The following OR2L3 variants were observed in gnomAD, a reference collection of about 807,000 sequenced individuals.
OR2L3 encodes olfactory receptor 2L3.
For missense variants in OR2L3, 369 were observed against 376.6 expected (o/e 0.98, Z 0.17); for synonymous variants, 131 against 139.1 (o/e 0.94, Z 0.41).
chr1:248,050,073 C>T (rs1663210405), intron 1 of OR2L3, among the ~76,000 whole-genome samples: 1 of 152,062 alleles, frequency 6.6e-6, no homozygotes, highest in Non-Finnish European at 1.5e-5. Flanking sequence ...TGTGACGTTC[C>T]AGGTGCCAAT....
In OR2L3 at chr1:248,060,970, G is replaced by A. The variant is rs768111550; in HGVS notation, c.289G>A (p.Gly97Arg). The stretch of plus-strand genomic sequence containing the variant: ...CAAGTCTATCTCCTTCACTGGGTGT[G>A]GGATTCAGAGTTTCTTCTTCTCGGC... ...GNKSISFTGC[G>R]IQSFFFSALG... is the part of the protein sequence containing the mutation. The change falls in exon 2 of 2, where the codon GGG becomes AGG. Residue 97 changes from glycine to arginine, a missense_variant. Coordinates refer to ENST00000359959, the MANE Select transcript of OR2L3 (RefSeq NM_001004687.2). 24 of 1,613,866 alleles carry A rather than the reference G, an allele frequency of 1.5e-5. No homozygotes were observed. Among genetic ancestry groups the A allele is most frequent in the Non-Finnish European group, 2.0e-5 (24 of 1,179,934 alleles).
intron 1 of OR2L3, 55 bp from the exon 2 acceptor site, chr1:248,060,606 C>T: frequency 8.6e-7 from 1 of 1,168,362 alleles, no homozygotes; most frequent in Non-Finnish European, 1.2e-6. Context: ...CAAATGCATT[C>T]CCTGCAGATA....
chr1:248,059,639 A>G (rs1367703257), intron 1 of OR2L3, among the ~76,000 whole-genome samples: 1 of 152,224 alleles, frequency 6.6e-6, no homozygotes, highest in Non-Finnish European at 1.5e-5. Flanking sequence ...AAATAAATGA[A>G]CCACAAAATG....
chr1:248,057,453 G>T (rs557123678), intron 1 of OR2L3, among the ~76,000 whole-genome samples: 1 of 152,226 alleles, frequency 6.6e-6, no homozygotes, highest in South Asian at 2.1e-4. Flanking sequence ...AACTAGGATT[G>T]CTACCACTGC....
rs1321197693 is a variant in OR2L3, at chr1:248,063,178, T to C, written c.*1558T>C. ...TAGACATTGCATTGAATCTGTAGTT[T>C]GGTTATTTAAATAATATTAATTCTT... On this transcript the variant is annotated 3_prime_UTR_variant, in exon 2 of 2. Transcript: ENST00000359959. 1 of 152,252 alleles carries C rather than the reference T, an allele frequency of 6.6e-6. No homozygotes were observed. The highest frequency in any genetic ancestry group is 1.5e-5 in the Non-Finnish European group (1 of 68,050). The allele number at this position is 152,252 out of a possible 1,614,324, so 9.4% of individuals were successfully genotyped here.
intron 1 of OR2L3, among the ~76,000 whole-genome samples, chr1:248,053,863 T>TGTCAGATG (rs1345295039): frequency 1.8e-4 from 27 of 152,360 alleles, no homozygotes; most frequent in African/African-American, 5.5e-4. Flanking sequence ...ATTAGATCTT[T>TGTCAGATG]GTCAGATGGA....
At chr1:248,047,196 A>G (rs1663104976) in intron 1 of OR2L3, among the ~76,000 whole-genome samples, 1 of 152,148 alleles carries the variant, frequency 6.6e-6, no homozygotes, top group African/African-American at 2.4e-5. Flanking sequence ...CATTCATAAT[A>G]ATGATTGTAG....
intron 1 of OR2L3, among the ~76,000 whole-genome samples, chr1:248,057,823 T>A (rs1663481516): frequency 6.6e-6 from 1 of 152,192 alleles, no homozygotes; most frequent in Non-Finnish European, 1.5e-5. Context: ...TTACAACAGA[T>A]TCTGGTTGTT....
At position 248,060,667 on chromosome 1, in the gene OR2L3, GCACAC is replaced by G; in HGVS notation, c.-14_-10del. 6.3e-7 allele frequency: 1 copy of G among 1,595,212 alleles called. No individual in the cohort carries two copies. Among genetic ancestry groups the G allele is most frequent in the Non-Finnish European group, 8.6e-7 (1 of 1,166,662 alleles). ...CCCTTGTGTCTCCCTTCAGGAAAGAGCACACGAATGCCCCATGGAAAATTACAATC... is the reference window on the plus strand; with the variant it reads ...CCCTTGTGTCTCCCTTCAGGAAAGAGGAATGCCCCATGGAAAATTACAATC... On this transcript the variant is annotated 5_prime_UTR_variant, in exon 2 of 2. Coordinates refer to ENST00000359959, the MANE Select transcript of OR2L3 (RefSeq NM_001004687.2).
intron 1 of OR2L3, among the ~76,000 whole-genome samples, chr1:248,056,814 A>AATTT (rs937780788): frequency 6.6e-6 from 1 of 151,534 alleles, no homozygotes; most frequent in African/African-American, 2.4e-5. Flanking sequence ...TACTCGGCTA[A>AATTT]ATTTTTTTGG....
intron 1 of OR2L3, among the ~76,000 whole-genome samples, chr1:248,048,295 A>T (rs745318984): frequency 3.2e-4 from 48 of 152,204 alleles, no homozygotes; most frequent in Admixed American, 5.9e-4. Flanking sequence ...GTGGTTCTCC[A>T]ACTTCATACC....
rs1663670732 is a variant in OR2L3, at chr1:248,062,298, T to C, written c.*678T>C. 1 of 152,234 alleles carries C rather than the reference T, an allele frequency of 6.6e-6. No individual in the cohort carries two copies. The highest frequency in any genetic ancestry group is 2.4e-5 in the African/African-American group (1 of 41,458). The allele number at this position is 152,234 out of a possible 1,614,324, so 9.4% of individuals were successfully genotyped here. On this transcript the variant is annotated 3_prime_UTR_variant, in exon 2 of 2. Coordinates refer to ENST00000359959, the MANE Select transcript of OR2L3 (RefSeq NM_001004687.2). ...AACATGCCAGCAGTAATAAAAATGA[T>C]TACATTTAGGTCTTTAACCTGTTTT...
intron 1 of OR2L3, among the ~76,000 whole-genome samples, chr1:248,048,877 A>G (rs934923039): frequency 2.0e-5 from 3 of 150,700 alleles, no homozygotes; most frequent in Non-Finnish European, 2.9e-5. Flanking sequence ...AGCAAAGCCA[A>G]CTTGTGCCCC....
intron 1 of OR2L3, among the ~76,000 whole-genome samples, chr1:248,047,761 A>G: frequency 6.6e-6 from 1 of 152,238 alleles, no homozygotes; most frequent in African/African-American, 2.4e-5. Context: ...CTCTACAGTC[A>G]TAGCGGATAA....
Position 248,061,391 on chromosome 1 carries a change from A to T in OR2L3, c.710A>T (p.Tyr237Phe). ...MKSAEGRKKA[Y>F]LTCSTHLTVV... ...TCTGCAGAAGGGAGGAAGAAAGCCTACCTGACCTGCAGCACCCACCTCACT... is the reference window on the plus strand; with the variant it reads ...TCTGCAGAAGGGAGGAAGAAAGCCTTCCTGACCTGCAGCACCCACCTCACT... The change falls in exon 2 of 2, where the codon TAC (tyrosine) becomes TTC (phenylalanine). Residue 237 changes from tyrosine (Y) to phenylalanine (F), a missense_variant. Transcript: ENST00000359959. 5.0e-6 allele frequency: 8 copies of T among 1,614,032 alleles called. No individual in the cohort carries two copies. Among genetic ancestry groups the T allele is most frequent in the Non-Finnish European group, 6.8e-6 (8 of 1,179,984 alleles).
Position 248,061,034 on chromosome 1 carries a change from C to G in OR2L3, c.353C>G (p.Ala118Gly), listed in dbSNP as rs756335337. 6.2e-7 allele frequency: 1 copy of G among 1,614,094 alleles called. No homozygotes were observed. Among genetic ancestry groups the G allele is most frequent in the Middle Eastern group, 1.6e-4 (1 of 6,062 alleles). ...GAAGCACTACTTTTGGCATCTATGG[C>G]CTATGATCGTTACATTGCTATTTGC... ...GAEALLLASM[A>G]YDRYIAICFP... Residue 118 changes from alanine (A) to glycine (G), a missense_variant, in exon 2 of 2, where the codon GCC becomes GGC. By Grantham distance (60) the Ala-to-Gly change is moderately conservative. Coordinates refer to ENST00000359959, the MANE Select transcript of OR2L3 (RefSeq NM_001004687.2).
chr1:248,047,692 CAG>C (rs1407410219), intron 1 of OR2L3, among the ~76,000 whole-genome samples: 1 of 152,106 alleles, frequency 6.6e-6, no homozygotes, highest in African/African-American at 2.4e-5. Flanking sequence ...AACAACCACA[CAG>C]AGTTTTGTGA....
rs753833627 is a variant in OR2L3, at chr1:248,061,389, C to T, written c.708C>T (p.Ala236=). The T allele has an allele frequency of 6.2e-7, 1 of 1,614,084 alleles. No individual in the cohort carries two copies. The highest frequency in any genetic ancestry group is 1.7e-5 in the Admixed American group (1 of 60,004). ...AATCTGCAGAAGGGAGGAAGAAAGC[C>T]TACCTGACCTGCAGCACCCACCTCA... ...HMKSAEGRKK[A]YLTCSTHLTV... The change falls in exon 2 of 2, where the codon GCC becomes GCT. Residue 236 remains alanine, a synonymous_variant. Transcript: ENST00000359959.
At chr1:248,047,014 C>A (rs1311075371) in intron 1 of OR2L3, 134 bp downstream of exon 1, 2 of 152,138 alleles carry the variant, frequency 1.3e-5, no homozygotes, top group Non-Finnish European at 2.9e-5. Context: ...CTTTCTATAA[C>A]ACCATTCAGC....
Sources: allele counts gnomAD v4.1 joint callset (sites outside exome capture counted in the v4.1 genomes callset), GRCh38; gene constraint gnomAD v4.1.1; transcripts MANE v1.5; gene names NCBI Gene and HGNC (gene_info 2026-07-23, HGNC 2026-07-21).